The following MIPOL1 variants were observed in gnomAD, a reference collection of about 807,000 sequenced individuals.
MIPOL1 encodes the protein mirror-image polydactyly gene 1 protein.
Under a neutral mutation model 60.9 loss-of-function variants are expected in MIPOL1, and 57 were observed. The observed-to-expected ratio is 0.94, with a 90% CI of 0.76 to 1.17. MIPOL1 has a LOEUF of 1.17. Ranked by LOEUF, MIPOL1 falls within the 50% of genes most tolerant of loss-of-function variation. MIPOL1 has a pLI of 0.00. For synonymous variants in MIPOL1, 179 were observed against 168.8 expected (o/e 1.06, Z -0.47); for missense variants, 551 against 511.6 (o/e 1.08, Z -0.74).
intron 9 of MIPOL1, among the ~76,000 whole-genome samples, chr14:37,319,717 TA>T (rs1187783334): frequency 6.6e-6 from 1 of 152,160 alleles, no homozygotes; most frequent in African/African-American, 2.4e-5. Flanking sequence ...GATGAATTTT[TA>T]TATATGTGTG....
chr14:37,293,324 T>A (rs1012943707), intron 7 of MIPOL1, among the ~76,000 whole-genome samples: 1 of 152,050 alleles, frequency 6.6e-6, no homozygotes, highest in Non-Finnish European at 1.5e-5. Flanking sequence ...AAAAAATTAC[T>A]ACATGGAGCC....
intron 9 of MIPOL1, among the ~76,000 whole-genome samples, chr14:37,332,233 C>T (rs2089756877): frequency 6.6e-6 from 1 of 151,838 alleles, no homozygotes; most frequent in Non-Finnish European, 1.5e-5. Flanking sequence ...TGTGTTCCTT[C>T]CATACCTAGT....
In MIPOL1 at chr14:37,547,034, A is replaced by G. The variant is rs1216923966; in HGVS notation, c.*63A>G. 4.4e-6 allele frequency: 6 copies of G among 1,377,216 alleles called. No individual in the cohort carries two copies. In the African/African-American group the frequency reaches 7.1e-5, roughly 16 times the overall value. 85.3% of individuals were successfully genotyped at this position (1,377,216 alleles called of 1,614,324 possible). ...TGGTGACCAGGCTGCTTCATTCAAC[A>G]CTGTGTAAACACCAAAGCCTTAACT... On this transcript the variant is annotated 3_prime_UTR_variant, in exon 13 of 13. Coordinates refer to ENST00000684589, the MANE Select transcript of MIPOL1 (RefSeq NM_001388067.1).
chr14:37,309,499 C>G (rs1375180067), intron 9 of MIPOL1, among the ~76,000 whole-genome samples: 1 of 152,046 alleles, frequency 6.6e-6, no homozygotes, highest in African/African-American at 2.4e-5. Context: ...ATAATCCTTT[C>G]AAAAATTGCA....
intron 10 of MIPOL1, among the ~76,000 whole-genome samples, chr14:37,411,121 A>T (rs1179415163): frequency 6.6e-6 from 1 of 152,182 alleles, no homozygotes; most frequent in East Asian, 1.9e-4. Context: ...TATAAAAAGC[A>T]TATCAGACAA....
chr14:37,453,312 G>A (rs921957221), intron 11 of MIPOL1, among the ~76,000 whole-genome samples: 4 of 151,904 alleles, frequency 2.6e-5, no homozygotes, highest in African/African-American at 7.3e-5. Flanking sequence ...ACAGGGAGGC[G>A]CTTAGTGGTT....
chr14:37,442,210 T>G (rs899595463), intron 11 of MIPOL1, among the ~76,000 whole-genome samples: 78 of 152,122 alleles, frequency 5.1e-4, no homozygotes, highest in Non-Finnish European at 3.2e-4. Flanking sequence ...CTGATTGTTG[T>G]ATATTGATTT....
chr14:37,213,207 CA>C (rs1966996453), intron 1 of MIPOL1, among the ~76,000 whole-genome samples: 1 of 152,130 alleles, frequency 6.6e-6, no homozygotes, highest in Non-Finnish European at 1.5e-5. Context: ...ATGACCTCAT[CA>C]AATAAACTAA....
At chr14:37,317,396 G>A (rs1478413563) in intron 9 of MIPOL1, among the ~76,000 whole-genome samples, 1 of 152,170 alleles carries the variant, frequency 6.6e-6, no homozygotes, top group East Asian at 1.9e-4. Context: ...AAACGTGTCA[G>A]GGAAGTTGTG....
At chr14:37,384,558 A>C (rs1392139069) in intron 10 of MIPOL1, among the ~76,000 whole-genome samples, 1 of 151,956 alleles carries the variant, frequency 6.6e-6, no homozygotes, top group African/African-American at 2.4e-5. Context: ...GTGTGATTTC[A>C]GAGAACATTT....
chr14:37,260,224 A>G (rs1254380806), intron 3 of MIPOL1, among the ~76,000 whole-genome samples: 2 of 151,064 alleles, frequency 1.3e-5, no homozygotes, highest in African/African-American at 2.4e-5. Flanking sequence ...TCTGGGCAAC[A>G]TAGTGAGATC....
chr14:37,207,189 C>T (rs1966224358), intron 1 of MIPOL1, among the ~76,000 whole-genome samples: 1 of 152,124 alleles, frequency 6.6e-6, no homozygotes, highest in South Asian at 2.1e-4. Flanking sequence ...GTGGGAGATA[C>T]TTGAATCATG....
chr14:37,297,988 G>A (rs572132916), intron 7 of MIPOL1, among the ~76,000 whole-genome samples: 6 of 152,226 alleles, frequency 3.9e-5, no homozygotes, highest in East Asian at 3.9e-4. Flanking sequence ...AGCCCGCATC[G>A]CCAAGTCAAT....
chr14:37,222,221 G>T (rs7143494), intron 1 of MIPOL1, among the ~76,000 whole-genome samples: 3 of 150,326 alleles, frequency 2.0e-5, no homozygotes, highest in Non-Finnish European at 4.4e-5. Flanking sequence ...CGAAAACATT[G>T]CTTTTTTTTT....
At chr14:37,255,832 A>G (rs1974829773) in intron 3 of MIPOL1, among the ~76,000 whole-genome samples, 1 of 151,696 alleles carries the variant, frequency 6.6e-6, no homozygotes, top group African/African-American at 2.4e-5. Flanking sequence ...GATTATTTTC[A>G]AAAATTGTAT....
intron 11 of MIPOL1, among the ~76,000 whole-genome samples, chr14:37,452,580 AT>A (rs1293022289): frequency 6.6e-6 from 1 of 152,172 alleles, no homozygotes; most frequent in East Asian, 1.9e-4. Flanking sequence ...ATTGTCATGA[AT>A]TTTTTATTAA....
At chr14:37,363,622 C>G (rs990061534) in intron 9 of MIPOL1, among the ~76,000 whole-genome samples, 2 of 152,202 alleles carry the variant, frequency 1.3e-5, no homozygotes, top group African/African-American at 4.8e-5. Flanking sequence ...TGTCCATTCT[C>G]AAAGCTCAAA....
intron 7 of MIPOL1, among the ~76,000 whole-genome samples, chr14:37,305,111 C>G (rs2153431514): frequency 6.6e-6 from 1 of 151,868 alleles, no homozygotes; most frequent in East Asian, 1.9e-4. Flanking sequence ...TGTTTCAAAT[C>G]ACCTCTTTTC....
rs866230576 is a variant in MIPOL1, at chr14:37,516,703, C to T, written c.1262+16565C>T. On this transcript the variant is annotated intron_variant, in intron 12 of 12. Transcript: ENST00000684589. ...TGACTTTAGAAATGTACAGCAATTG[C>T]TTATGTATTAAAAGATAATTCATTG... 3.9e-5 allele frequency among the ~76,000 whole-genome samples: 6 copies of T among 152,204 alleles called. No homozygotes were observed. In the South Asian group the frequency reaches 8.3e-4, roughly 21 times the overall value.
Sources: allele counts gnomAD v4.1 joint callset (sites outside exome capture counted in the v4.1 genomes callset), GRCh38; gene constraint gnomAD v4.1.1; transcripts MANE v1.5; gene names NCBI Gene and HGNC (gene_info 2026-07-23, HGNC 2026-07-21).